Variants in CARTPT observed in about 807,000 individuals in gnomAD.
CARTPT encodes the protein cocaine- and amphetamine-regulated transcript protein.
Under a neutral mutation model 12.2 loss-of-function variants are expected in CARTPT, and 6 were observed. The observed-to-expected ratio is 0.49, with a 90% CI of 0.27 to 0.97. The LOEUF is 0.97. CARTPT is among the 50% of genes least tolerant of loss of function. CARTPT has a pLI of 0.12. For synonymous variants in CARTPT, 75 were observed against 64.1 expected (o/e 1.17, Z -0.82); for missense variants, 135 against 142.0 (o/e 0.95, Z 0.25).
chr5:71,719,769 C>G (rs1748669044), intron 1 of CARTPT, 111 bp from the exon 2 acceptor site: 1 of 999,710 alleles, frequency 1.0e-6, no homozygotes, highest in South Asian at 1.3e-5. Context: ...GGAGTCCCAC[C>G]GCAGAGTGCG....
Position 71,720,465 on chromosome 5 carries a change from T to C in CARTPT, c.244-43T>C, listed in dbSNP as rs1482442895. On this transcript the variant is annotated intron_variant, in intron 2 of 2. Coordinates refer to ENST00000296777, the MANE Select transcript of CARTPT (RefSeq NM_004291.4). ...CTGTGAGACTTGCCTGTTGGGAACC[T>C]GGGTTTGTTCATACTCGATGACCAC... The C allele has an allele frequency of 3.2e-6, 5 of 1,557,564 alleles. No homozygotes were observed. The South Asian group carries it at 3.5e-5, about 11-fold the overall frequency.
chr5:71,719,658 C>T, intron 1 of CARTPT: 1 of 753,418 alleles, frequency 1.3e-6, no homozygotes, highest in Non-Finnish European at 2.2e-6. Context: ...CTCATCCCGG[C>T]CCCTCTGAGC....
rs1748695009 is a variant in CARTPT at position 71,720,866 on chromosome 5, C to T, written c.*251C>T. 2 of 481,760 alleles carry T rather than the reference C, an allele frequency of 4.2e-6. No individual in the cohort carries two copies. Among genetic ancestry groups the T allele is most frequent in the Non-Finnish European group, 7.5e-6 (2 of 265,704 alleles). The allele number at this position is 481,760 out of a possible 1,614,324, so 29.8% of individuals were successfully genotyped here. On this transcript the variant is annotated 3_prime_UTR_variant, in exon 3 of 3. Transcript: ENST00000296777. ...TATTTGTCTGACAAACTCTTGTGTA[C>T]CTTTGTGTAAAGAAGGGAAGCTTTG...
Position 71,719,333 on chromosome 5 carries a change from G to A in CARTPT, c.40G>A (p.Ala14Thr), listed in dbSNP as rs1314552851. The A allele has an allele frequency of 6.2e-7, 1 of 1,613,546 alleles. No individual in the cohort carries two copies. The highest frequency in any genetic ancestry group is 8.5e-7 in the Non-Finnish European group (1 of 1,180,026). ...CGTGAGGCTGCTGCCCCTCCTGGGC[G>A]CCGCCCTGCTGCTGATGCTACCTCT... ...SRVRLLPLLG[A>T]ALLLMLPLLG... The change falls in exon 1 of 3, where the codon GCC becomes ACC. Residue 14 changes from alanine to threonine, a missense_variant. Coordinates refer to ENST00000296777, the MANE Select transcript of CARTPT (RefSeq NM_004291.4).
intron 2 of CARTPT, 44 bp downstream of exon 2, chr5:71,720,007 A>G (rs1299993808): frequency 6.6e-6 from 10 of 1,515,760 alleles, no homozygotes; most frequent in Non-Finnish European, 7.3e-6. Context: ...TCCAAGAGAA[A>G]GTACACCGCC....
chr5:71,719,337 C>G lies in CARTPT; in HGVS notation c.44C>G (p.Ala15Gly). The G allele has an allele frequency of 6.2e-6, 10 of 1,613,804 alleles. No homozygotes were observed. Among genetic ancestry groups the G allele is most frequent in the Non-Finnish European group, 8.5e-6 (10 of 1,180,020 alleles). ...AGGCTGCTGCCCCTCCTGGGCGCCG[C>G]CCTGCTGCTGATGCTACCTCTGTTG... is the stretch of plus-strand genomic sequence containing the variant. ...RVRLLPLLGA[A>G]LLLMLPLLGT... Residue 15 changes from alanine to glycine, a missense_variant, in exon 1 of 3, where the codon GCC becomes GGC. Physicochemically the swap from Ala to Gly is moderately conservative, Grantham distance 60. Transcript: ENST00000296777.
intron 2 of CARTPT, 109 bp downstream of exon 2, chr5:71,720,072 G>T (rs1020061633): frequency 1.0e-6 from 1 of 962,548 alleles, no homozygotes; most frequent in African/African-American, 1.6e-5. Flanking sequence ...CTTAGGTAAT[G>T]GGCTTGCAGG....
At chr5:71,720,095 C>T (rs1748677124) in intron 2 of CARTPT, 132 bp downstream of exon 2, 3 of 794,650 alleles carry the variant, frequency 3.8e-6, no homozygotes, top group Admixed American at 3.8e-5. Flanking sequence ...TCTGTGGGCT[C>T]CTTCTTCCTT....
rs1748685476 is a variant in CARTPT at position 71,720,495 on chromosome 5, TTTG to T, written c.244-7_244-5del. 14 of 1,606,680 alleles carry T rather than the reference TTTG, an allele frequency of 8.7e-6. No individual in the cohort carries two copies. The highest frequency in any genetic ancestry group is 1.2e-5 in the Non-Finnish European group (14 of 1,176,560). ...TTGTTCATACTCGATGACCACACATTTTGTTGTTTCAGTGTGACGCCGGTGAGC... is the reference window on the plus strand; with the variant it reads ...TTGTTCATACTCGATGACCACACATTTTGTTTCAGTGTGACGCCGGTGAGC... On this transcript the variant is annotated splice_polypyrimidine_tract_variant and intron_variant, in intron 2 of 2. Coordinates refer to ENST00000296777, the MANE Select transcript of CARTPT (RefSeq NM_004291.4).
In CARTPT at chr5:71,720,688, G is replaced by A. The variant is rs1748691438; in HGVS notation, c.*73G>A. The stretch of plus-strand genomic sequence containing the variant: ...AGAGGACCACACCTTCCTCCCTGGA[G>A]TTTGGCTTAAGCAACAGATAAAGTT... On this transcript the variant is annotated 3_prime_UTR_variant, in exon 3 of 3. Coordinates refer to ENST00000296777, the MANE Select transcript of CARTPT (RefSeq NM_004291.4). 1.6e-6 allele frequency: 2 copies of A among 1,241,918 alleles called. No individual in the cohort carries two copies. The highest frequency in any genetic ancestry group is 2.3e-6 in the Non-Finnish European group (2 of 862,422). The allele number at this position is 1,241,918 out of a possible 1,614,324, so 76.9% of individuals were successfully genotyped here.
At position 71,719,429 on chromosome 5, in the gene CARTPT, G is replaced by A. The variant is rs1178067729; in HGVS notation, c.136G>A (p.Asp46Asn). 5 of 1,614,174 alleles carry A rather than the reference G, an allele frequency of 3.1e-6. No homozygotes were observed. In the South Asian group the frequency reaches 5.5e-5, roughly 18 times the overall value. The change falls in exon 1 of 3, where the codon GAT becomes AAT. Residue 46 changes from aspartate to asparagine, a missense_variant. Asp to Asn is a conservative substitution (Grantham distance 23). Coordinates refer to ENST00000296777, the MANE Select transcript of CARTPT (RefSeq NM_004291.4). ...CCTGGACATCTACTCTGCCGTGGAT[G>A]ATGCCTCCCACGAGAAGGAGCTGGT... ...RALDIYSAVD[D>N]ASHEKELIEA...
intron 2 of CARTPT, 116 bp downstream of exon 2, chr5:71,720,079 C>A (rs1164452041): frequency 1.1e-6 from 1 of 927,586 alleles, no homozygotes; most frequent in Non-Finnish European, 1.8e-6. Flanking sequence ...AATGGGCTTG[C>A]AGGATTCTGT....
chr5:71,720,836 T>C lies in CARTPT; in HGVS notation c.*221T>C. 1.9e-6 allele frequency: 1 copy of C among 540,216 alleles called. No homozygotes were observed. The allele number at this position is 540,216 out of a possible 1,614,324, so 33.5% of individuals were successfully genotyped here. A position where few individuals can be genotyped will look rare whatever the true frequency, so the allele number is the denominator to read the frequency against. On this transcript the variant is annotated 3_prime_UTR_variant, in exon 3 of 3. Transcript: ENST00000296777. The stretch of plus-strand genomic sequence containing the variant: ...TGTTGATACGTGTGTGAAGTATTCT[T>C]ATTTTATTTGTCTGACAAACTCTTG...
In CARTPT at chr5:71,720,582, C is replaced by T; in HGVS notation, c.318C>T (p.Thr106=). The T allele has an allele frequency of 6.2e-7, 1 of 1,611,980 alleles. No individual in the cohort carries two copies. Among genetic ancestry groups the T allele is most frequent in the South Asian group, 1.1e-5 (1 of 90,134 alleles). Residue 106 remains threonine (T), a synonymous_variant, in exon 3 of 3, where the codon ACC becomes ACT. Coordinates refer to ENST00000296777, the MANE Select transcript of CARTPT (RefSeq NM_004291.4). ...AGCTGTGTGACTGTCCCCGAGGAAC[C>T]TCCTGCAATTCCTTCCTCCTGAAGT... is the stretch of plus-strand genomic sequence containing the variant. ...IGKLCDCPRG[T]SCNSFLLKCL
intron 1 of CARTPT, 23 bp downstream of exon 1, chr5:71,719,475 AC>A (rs1459094972): frequency 1.1e-5 from 18 of 1,611,516 alleles, no homozygotes; most frequent in Non-Finnish European, 1.5e-5. Context: ...CTCGCTCTCG[AC>A]CCCCTTGAGC....
chr5:71,719,768 C>T, intron 1 of CARTPT, 112 bp from the exon 2 acceptor site: 1 of 1,005,090 alleles, frequency 9.9e-7, no homozygotes, highest in Non-Finnish European at 1.6e-6. Flanking sequence ...CGGAGTCCCA[C>T]CGCAGAGTGC....
intron 1 of CARTPT, 176 bp downstream of exon 1, chr5:71,719,628 G>A: frequency 1.2e-6 from 1 of 823,018 alleles, no homozygotes; most frequent in Non-Finnish European, 2.0e-6. Context: ...CGGGCTCCTG[G>A]CAGTCTGTTG....
intron 2 of CARTPT, 84 bp from the exon 3 acceptor site, chr5:71,720,424 A>G: frequency 1.6e-6 from 2 of 1,216,158 alleles, no homozygotes; most frequent in Non-Finnish European, 2.4e-6. Flanking sequence ...CTTTCAAGAG[A>G]CAGAAATTGC....
At chr5:71,720,080 A>T (rs919541059) in intron 2 of CARTPT, 117 bp downstream of exon 2, 1 of 913,540 alleles carries the variant, frequency 1.1e-6, no homozygotes. Flanking sequence ...ATGGGCTTGC[A>T]GGATTCTGTG....
Sources: allele counts gnomAD v4.1 joint callset, GRCh38; gene constraint gnomAD v4.1.1; transcripts MANE v1.5; gene names NCBI Gene and HGNC (gene_info 2026-07-23, HGNC 2026-07-21).